The following GRM4 variants were observed in gnomAD, a reference collection of about 807,000 sequenced individuals.
GRM4 encodes glutamate metabotropic receptor 4, also known as metabotropic glutamate receptor 4.
In GRM4, 28 loss-of-function variants were observed where a neutral mutation model predicts 81.7. The ratio of observed to expected loss-of-function variants is 0.34; its 90% CI spans 0.25 to 0.47. The LOEUF (loss-of-function observed/expected upper bound fraction) is 0.47, where lower values mean the gene tolerates loss of function less well. Ranked by LOEUF, GRM4 falls within the 20% of genes least tolerant of loss-of-function variation. GRM4 has a pLI of 1.00. For synonymous variants in GRM4, 488 were observed against 528.8 expected (o/e 0.92, Z 1.06); for missense variants, 948 against 1,290.0 (o/e 0.73, Z 4.06).
At position 34,019,073 on chromosome 6, in the gene GRM4, A is replaced by T. The variant is rs1763781859; in HGVS notation, c.*3748T>A. 6.6e-6 allele frequency: 1 copy of T among 152,220 alleles called. No individual in the cohort carries two copies. Among genetic ancestry groups the T allele is most frequent in the Non-Finnish European group, 1.5e-5 (1 of 68,060 alleles). The allele number at this position is 152,220 out of a possible 1,614,324, so 9.4% of individuals were successfully genotyped here. A position where few individuals can be genotyped will look rare whatever the true frequency, so the allele number is the denominator to read the frequency against. Reference sequence around the variant, plus strand: ...TCAGGGGCTCCCCAGGACCCCTTGGAGGCCTGGAGGCTGAGGCAGTGTGGG... The same window carrying T: ...TCAGGGGCTCCCCAGGACCCCTTGGTGGCCTGGAGGCTGAGGCAGTGTGGG... On this transcript the variant is annotated 3_prime_UTR_variant, in exon 11 of 11. Transcript: ENST00000538487.
chr6:34,102,899 A>G (rs1197645668), intron 2 of GRM4, among the ~76,000 whole-genome samples: 1 of 152,270 alleles, frequency 6.6e-6, no homozygotes, highest in Non-Finnish European at 1.5e-5. Flanking sequence ...CAGCAGCTCC[A>G]ATTCTCACAT....
rs1581667374 is a variant in GRM4 at position 34,080,451 on chromosome 6, C to T, written c.736+11432G>A. The stretch of plus-strand genomic sequence containing the variant: ...CCAGGAGCTTCATCTGCTTAGTCCA[C>T]GGCCGTACCCCAGTGTCCTGGTCCA... On this transcript the variant is annotated intron_variant, in intron 3 of 10. Transcript: ENST00000538487. This position sits in a 1 kb window ranked among gnomAD's most constrained non-coding sequence, Gnocchi z 5.4. Among the ~76,000 whole-genome samples the T allele has an allele frequency of 6.6e-6, 1 of 152,238 alleles. No homozygotes were observed. Among genetic ancestry groups the T allele is most frequent in the Non-Finnish European group, 1.5e-5 (1 of 68,046 alleles).
At chr6:34,056,349 A>C (rs1020776659) in intron 6 of GRM4, 195 bp downstream of exon 6, 17 of 593,812 alleles carry the variant, frequency 2.9e-5, no homozygotes, top group Non-Finnish European at 4.5e-5. Context: ...GCCACACCCC[A>C]AATCTGCTGT....
chr6:34,038,568 G>A (rs930227391), intron 8 of GRM4, among the ~76,000 whole-genome samples: 1 of 152,216 alleles, frequency 6.6e-6, no homozygotes, highest in Non-Finnish European at 1.5e-5. Context: ...ACAGTAGCCA[G>A]GTAGGTGGTT....
chr6:34,116,151 G>A (rs1407071735), intron 2 of GRM4, among the ~76,000 whole-genome samples: 1 of 152,172 alleles, frequency 6.6e-6, no homozygotes, highest in Non-Finnish European at 1.5e-5. Context: ...AAATCAAAGT[G>A]GGCGAGCTGA....
Position 34,080,817 on chromosome 6 carries a change from CTCT to C in GRM4, c.736+11063_736+11065del, listed in dbSNP as rs1466717961. On this transcript the variant is annotated intron_variant, in intron 3 of 10. Coordinates refer to ENST00000538487, the MANE Select transcript of GRM4 (RefSeq NM_000841.4). This position sits in a 1 kb window ranked among gnomAD's most constrained non-coding sequence, Gnocchi z 5.4. ...AGGGATCCTGATCCACTTCTCTCTT[CTCT>C]CTCTCTCTCTCACACACACACACAC... is the stretch of plus-strand genomic sequence containing the variant. 6.4e-5 allele frequency among the ~76,000 whole-genome samples: 6 copies of C among 93,686 alleles called. No homozygotes were observed. In the East Asian group the frequency reaches 2.0e-3, roughly 31 times the overall value. The allele number at this position is 93,686 out of a possible 152,430, so 61.5% of individuals were successfully genotyped here.
intron 1 of GRM4, among the ~76,000 whole-genome samples, chr6:34,135,770 A>G (rs2127513061): frequency 6.6e-6 from 1 of 152,364 alleles, no homozygotes; most frequent in Admixed American, 6.5e-5. Context: ...TGCAAGTACC[A>G]GGTAATTCAG....
chr6:34,103,460 C>T (rs1411534673), intron 2 of GRM4: 6 of 749,880 alleles, frequency 8.0e-6, no homozygotes, highest in African/African-American at 1.7e-5. Context: ...GAGGCAGGGC[C>T]GCAGATAAGA....
Position 34,069,167 on chromosome 6 carries a change from T to TACACACACACACACACAC in GRM4, c.737-7157_737-7140dup, listed in dbSNP as rs71000021. On this transcript the variant is annotated intron_variant, in intron 3 of 10. Transcript: ENST00000538487. The surrounding 1 kb of genome is among the most constrained non-coding windows in gnomAD (Gnocchi z 6.4). ...CTACCCCTGGACCCTCATGGGCGTA[T>TACACACACACACACACAC]ACACACACACACACACACACACACA... Among the ~76,000 whole-genome samples the TACACACACACACACACAC allele has an allele frequency of 1.5e-4, 20 of 134,604 alleles. No homozygotes were observed. Among genetic ancestry groups the TACACACACACACACACAC allele is most frequent in the Admixed American group, 3.6e-4 (5 of 13,786 alleles). The allele number at this position is 134,604 out of a possible 152,430, so 88.3% of individuals were successfully genotyped here. A position where few individuals can be genotyped will look rare whatever the true frequency, so the allele number is the denominator to read the frequency against.
At chr6:34,057,561 G>T (rs908631007) in intron 5 of GRM4, among the ~76,000 whole-genome samples, 4 of 152,200 alleles carry the variant, frequency 2.6e-5, no homozygotes, top group Non-Finnish European at 5.9e-5. Flanking sequence ...GCAGTACCCC[G>T]ACCTCTACCC....
In GRM4 at chr6:34,086,080, G is replaced by A. The variant is rs78137467; in HGVS notation, c.736+5803C>T. Among the ~76,000 whole-genome samples, 475 of 152,348 alleles carry A rather than the reference G, an allele frequency of 3.1e-3. 2 individuals carry two copies. The highest frequency in any genetic ancestry group is 0.01 in the African/African-American group (435 of 41,570). On this transcript the variant is annotated intron_variant, in intron 3 of 10. Transcript: ENST00000538487. ...AGGCCAGAGAGTGAGGAGAGGCAGC[G>A]GAACAGGCACCCTTAATGTGAGTGG...
chr6:34,088,392 G>C (rs1400522002), intron 3 of GRM4, among the ~76,000 whole-genome samples: 2 of 152,142 alleles, frequency 1.3e-5, no homozygotes, highest in Non-Finnish European at 2.9e-5. Flanking sequence ...AAAGTGCTGG[G>C]ATTACAGGTG....
chr6:34,061,698 G>A, intron 4 of GRM4, 195 bp downstream of exon 4: 5 of 518,722 alleles, frequency 9.6e-6, no homozygotes, highest in South Asian at 3.3e-5. Flanking sequence ...GGGGAGGGAA[G>A]GAGTGCCCCA....
At chr6:34,129,328 T>C (rs912221391) in intron 2 of GRM4, among the ~76,000 whole-genome samples, 1 of 152,216 alleles carries the variant, frequency 6.6e-6, no homozygotes, top group African/African-American at 2.4e-5. Flanking sequence ...AAAGGTCTTA[T>C]GGGCTCATTC....
chr6:34,067,832 G>T (rs1398231399), intron 3 of GRM4, among the ~76,000 whole-genome samples: 1 of 152,076 alleles, frequency 6.6e-6, no homozygotes, highest in African/African-American at 2.4e-5. Flanking sequence ...GGGCCCCCTG[G>T]AGCCACACCC....
rs755408264 is a variant in GRM4, at chr6:34,035,764, A to C, written c.2346T>G (p.Asn782Lys). The change falls in exon 9 of 11, where the codon AAT becomes AAG. Residue 782 changes from asparagine to lysine, a missense_variant. Physicochemically the swap from Asn to Lys is moderately conservative, Grantham distance 94. Transcript: ENST00000538487. The surrounding 1 kb of genome is among the most constrained non-coding windows in gnomAD (Gnocchi z 6.6). The part of the protein sequence containing the change: ...IKTRGVPETF[N>K]EAKPIGFTMY... The stretch of plus-strand genomic sequence containing the variant: ...TGGTGAAGCCAATGGGCTTGGCCTC[A>C]TTGAAGGTCTCGGGCACGCCGCGTG... 2 of 1,613,356 alleles carry C rather than the reference A, an allele frequency of 1.2e-6. No homozygotes were observed. Among genetic ancestry groups the C allele is most frequent in the Non-Finnish European group, 1.7e-6 (2 of 1,179,394 alleles).
chr6:34,112,887 G>A (rs188554947), intron 2 of GRM4, among the ~76,000 whole-genome samples: 5 of 152,204 alleles, frequency 3.3e-5, no homozygotes, highest in African/African-American at 4.8e-5. Context: ...CTGCTTCCCC[G>A]AACTTCTCTT....
chr6:34,128,017 C>T (rs143321207), intron 2 of GRM4, among the ~76,000 whole-genome samples: 1 of 152,238 alleles, frequency 6.6e-6, no homozygotes, highest in Non-Finnish European at 1.5e-5. Flanking sequence ...GGAACTCACA[C>T]CGCCAGGCTA....
intron 10 of GRM4, among the ~76,000 whole-genome samples, chr6:34,025,537 C>T (rs1764093009): frequency 6.6e-6 from 1 of 152,154 alleles, no homozygotes; most frequent in African/African-American, 2.4e-5. Flanking sequence ...TAATGCCCTA[C>T]CTGTCTGCCC....
Sources: gnomAD v4.1 joint callset for allele counts (sites outside exome capture counted in the v4.1 genomes callset) on GRCh38, gnomAD v4.1.1 for gene constraint, Gnocchi (gnomAD v3.1) non-coding constraint, MANE v1.5 for transcripts, NCBI Gene and HGNC (gene_info 2026-07-23, HGNC 2026-07-21) for gene names.